The following FRYL variants were observed in gnomAD, a reference collection of about 807,000 sequenced individuals.
FRYL encodes FRY like transcription coactivator, also known as protein furry homolog-like.
Under a neutral mutation model 351.2 loss-of-function variants are expected in FRYL, and 150 were observed. The observed-to-expected ratio is 0.43, with a 90% CI of 0.37 to 0.49. The LOEUF is 0.49. Ranked by LOEUF, FRYL falls within the 20% of genes least tolerant of loss-of-function variation. The probability of loss-of-function intolerance (pLI) is 0.00; values close to 1 mark genes in which losing one functional copy is unlikely to be tolerated. For synonymous variants in FRYL, 1,153 were observed against 1,257.1 expected, an observed-to-expected ratio of 0.92 and a Z score of 1.75; for missense variants, 3,036 against 3,619.3, an observed-to-expected ratio of 0.84 and a Z score of 4.13.
intron 55 of FRYL, among the ~76,000 whole-genome samples, chr4:48,519,234 T>C (rs1315618572): frequency 1.3e-5 from 2 of 152,178 alleles, no homozygotes; most frequent in African/African-American, 4.8e-5. Flanking sequence ...ATCCCATTCA[T>C]TGCTCCTATT....
intron 4 of FRYL, among the ~76,000 whole-genome samples, chr4:48,626,748 T>C (rs1274460982): frequency 6.6e-6 from 1 of 152,096 alleles, no homozygotes; most frequent in Non-Finnish European, 1.5e-5. Flanking sequence ...AAACAAGAAA[T>C]ATATAGAGAT....
chr4:48,540,142 A>C, intron 46 of FRYL, 74 bp from the exon 47 acceptor site: 1 of 1,278,924 alleles, frequency 7.8e-7, no homozygotes, highest in South Asian at 1.4e-5. Context: ...TTATTTTTTT[A>C]GATGGTTCAC....
chr4:48,645,094 T>C (rs911948398), intron 3 of FRYL, among the ~76,000 whole-genome samples: 7 of 130,408 alleles, frequency 5.4e-5, no homozygotes, highest in Non-Finnish European at 1.2e-4. Flanking sequence ...ACCCAGAAAA[T>C]GTAAATTAAA....
chr4:48,520,706 A>G (rs1724723894), intron 55 of FRYL: 1 of 166,606 alleles, frequency 6.0e-6, no homozygotes, highest in African/African-American at 2.4e-5. Flanking sequence ...AACACAAAGC[A>G]AAAAGAGAAG....
chr4:48,513,818 C>T (rs1722977910), intron 56 of FRYL, among the ~76,000 whole-genome samples: 1 of 152,218 alleles, frequency 6.6e-6, no homozygotes, highest in African/African-American at 2.4e-5. Context: ...ATAACCTGTA[C>T]ACTTAGTAGG....
intron 4 of FRYL, among the ~76,000 whole-genome samples, chr4:48,630,981 T>C (rs1752853764): frequency 6.6e-6 from 1 of 152,174 alleles, no homozygotes; most frequent in Non-Finnish European, 1.5e-5. Flanking sequence ...TCAAAATAAA[T>C]GAAATTCCAA....
At chr4:48,663,707 G>A (rs535994178) in intron 3 of FRYL, among the ~76,000 whole-genome samples, 3 of 143,426 alleles carry the variant, frequency 2.1e-5, no homozygotes, top group East Asian at 2.1e-4. Flanking sequence ...CCCGGGAGGC[G>A]GAGCTTGCAG....
At chr4:48,680,776 A>G (rs1764488787) in intron 3 of FRYL, among the ~76,000 whole-genome samples, 1 of 152,166 alleles carries the variant, frequency 6.6e-6, no homozygotes, top group African/African-American at 2.4e-5. Flanking sequence ...ATTTTATTAA[A>G]AAAGTAGGCC....
At chr4:48,536,593 T>C (rs1351679645) in intron 47 of FRYL, among the ~76,000 whole-genome samples, 1 of 152,176 alleles carries the variant, frequency 6.6e-6, no homozygotes, top group Non-Finnish European at 1.5e-5. Flanking sequence ...GGTGAGGATG[T>C]TCCCTGGCCT....
intron 1 of FRYL, among the ~76,000 whole-genome samples, chr4:48,735,834 G>C (rs1195638747): frequency 3.1e-5 from 3 of 96,580 alleles, no homozygotes; most frequent in Non-Finnish European, 6.1e-5. Flanking sequence ...GGTCGGGGGA[G>C]GGGGGAGGGA....
intron 3 of FRYL, among the ~76,000 whole-genome samples, chr4:48,644,248 C>G (rs1210140857): frequency 6.6e-6 from 1 of 151,886 alleles, no homozygotes; most frequent in Non-Finnish European, 1.5e-5. Flanking sequence ...GGCCAGCCCA[C>G]TAAAATTTTG....
chr4:48,550,467 C>T, intron 38 of FRYL, 125 bp downstream of exon 38: 3 of 639,724 alleles, frequency 4.7e-6, no homozygotes, highest in Non-Finnish European at 8.1e-6. Context: ...GTTGGAACAC[C>T]ACTAGTGGCA....
intron 1 of FRYL, among the ~76,000 whole-genome samples, chr4:48,746,847 G>A (rs1772733555): frequency 1.3e-5 from 2 of 152,126 alleles, no homozygotes; most frequent in Admixed American, 6.5e-5. Flanking sequence ...CTCTTCCCAG[G>A]CCAGGTGCTA....
chr4:48,602,336 C>G (rs960592173), intron 12 of FRYL, among the ~76,000 whole-genome samples: 1 of 152,150 alleles, frequency 6.6e-6, no homozygotes. Flanking sequence ...GATCATACCT[C>G]TCTGAGTTAG....
intron 1 of FRYL, among the ~76,000 whole-genome samples, chr4:48,777,876 T>C (rs1193576412): frequency 6.6e-6 from 1 of 152,116 alleles, no homozygotes; most frequent in Non-Finnish European, 1.5e-5. Flanking sequence ...GGTGAAACAA[T>C]GCCAGATACC....
chr4:48,690,005 T>C (rs1238858549), intron 2 of FRYL, among the ~76,000 whole-genome samples: 1 of 150,794 alleles, frequency 6.6e-6, no homozygotes, highest in Non-Finnish European at 1.5e-5. Context: ...CAAGCCATTC[T>C]CCTGCCTCAG....
intron 55 of FRYL, 53 bp downstream of exon 55, chr4:48,520,993 AAG>A (rs1577918370): frequency 1.4e-5 from 19 of 1,360,416 alleles, no homozygotes; most frequent in Non-Finnish European, 1.8e-5. Context: ...GGAGCTATAA[AAG>A]AGTGCTAAAA....
chr4:48,597,389 C>G (rs1744805349), intron 13 of FRYL, among the ~76,000 whole-genome samples: 1 of 152,054 alleles, frequency 6.6e-6, no homozygotes. Flanking sequence ...AGAGTAAACT[C>G]TAATGTAAGC....
chr4:48,625,175 C>T (rs1876469), intron 4 of FRYL, among the ~76,000 whole-genome samples: 76,802 of 151,934 alleles, frequency 0.51, 19,796 homozygotes, highest in South Asian at 0.61. Context: ...TACATACATA[C>T]AAACACACAC....
Sources: allele counts gnomAD v4.1 joint callset (sites outside exome capture counted in the v4.1 genomes callset), GRCh38; gene constraint gnomAD v4.1.1; transcripts MANE v1.5; gene names NCBI Gene and HGNC (gene_info 2026-07-23, HGNC 2026-07-21).